The following OPRM1 variants were observed in gnomAD, a reference collection of about 807,000 sequenced individuals.
The protein encoded by OPRM1 is opioid receptor mu 1, also known as mu-type opioid receptor.
Under a neutral mutation model 31.8 loss-of-function variants are expected in OPRM1, and 27 were observed. The ratio of observed to expected loss-of-function variants is 0.85; its 90% confidence interval spans 0.63 to 1.17. The LOEUF is 1.17. Ranked by LOEUF, OPRM1 falls within the 50% of genes most tolerant of loss-of-function variation. The pLI is 0.00. For missense variants in OPRM1, 536 were observed against 511.1 expected (o/e 1.05, Z -0.47); for synonymous variants, 196 against 189.9 (o/e 1.03, Z -0.26).
rs1583620690 is a variant in OPRM1, at chr6:154,119,517, C to T, written c.*796C>T. On this transcript the variant is annotated 3_prime_UTR_variant, in exon 4 of 4. Coordinates refer to ENST00000330432, the MANE Select transcript of OPRM1 (RefSeq NM_000914.5). ...TTAAGTGTTCACAAAAGGTAATAGT[C>T]AATGAGCTCATCACTTCATCCATGC... 1 of 794,326 alleles carries T rather than the reference C, an allele frequency of 1.3e-6. No individual in the cohort carries two copies. The highest frequency in any genetic ancestry group is 1.5e-6 in the Non-Finnish European group (1 of 655,978). 49.2% of individuals were successfully genotyped at this position (794,326 alleles called of 1,614,324 possible). A position where few individuals can be genotyped will look rare whatever the true frequency, so the allele number is the denominator to read the frequency against.
chr6:154,246,541 C>A (rs776960012), intron 3 of OPRM1: 5 of 1,558,342 alleles, frequency 3.2e-6, no homozygotes, highest in African/African-American at 1.4e-5. Flanking sequence ...ATGCCTTTAA[C>A]GTATCCCTCA....
chr6:154,129,975 T>C lies in OPRM1; in HGVS notation c.*11254T>C, dbSNP rs1483059287. ...ACTAAAATACAATTTACCAAAGGCT[T>C]ACCTCCTTATTTGAAACTCCAGCAT... On this transcript the variant is annotated 3_prime_UTR_variant, in exon 4 of 4. Coordinates refer to ENST00000330432, the MANE Select transcript of OPRM1 (RefSeq NM_000914.5). Among the ~76,000 whole-genome samples, 6 of 152,046 alleles carry C rather than the reference T, an allele frequency of 3.9e-5. No individual in the cohort carries two copies. The highest frequency in any genetic ancestry group is 3.3e-4 in the Admixed American group (5 of 15,264).
intron 3 of OPRM1, among the ~76,000 whole-genome samples, chr6:154,238,022 T>C (rs978463171): frequency 1.3e-5 from 2 of 152,204 alleles, no homozygotes; most frequent in Non-Finnish European, 2.9e-5. Flanking sequence ...ATTCTATGCA[T>C]TGGCAAATCA....
In OPRM1 at chr6:154,118,721, A is replaced by G; in HGVS notation, c.1203A>G (p.Ter401=). ...AAGCAGAAACTGCTCCGTTGCCCTA[A>G]CAGGGTCTCATGCCATTCCGACCTT... is the stretch of plus-strand genomic sequence containing the variant. ...NLEAETAPLP[*] is the part of the protein sequence containing the mutation. The change falls in exon 4 of 4, where the codon TAA becomes TAG. Residue 401 remains the stop codon, a stop_retained_variant. Coordinates refer to ENST00000330432, the MANE Select transcript of OPRM1 (RefSeq NM_000914.5). The G allele has an allele frequency of 6.2e-7, 1 of 1,613,278 alleles. No individual in the cohort carries two copies. The highest frequency in any genetic ancestry group is 8.5e-7 in the Non-Finnish European group (1 of 1,179,540).
In OPRM1 at chr6:154,175,743, A is replaced by G. The variant is rs376527264; in HGVS notation, c.1165-70950A>G. On this transcript the variant is annotated intron_variant, in intron 3 of 3. Coordinates refer to the OPRM1 transcript ENST00000337049. ...TTCGCAGCCGAATTCTACCAGAGGT[A>G]CAAAGAGGAGCTGGTACCATTCCTT... Among the ~76,000 whole-genome samples, 25 of 152,330 alleles carry G rather than the reference A, an allele frequency of 1.6e-4. No homozygotes were observed. In the East Asian group the frequency reaches 4.8e-3, roughly 29 times the overall value.
Position 154,091,422 on chromosome 6 carries a change from A to G in OPRM1, c.1114A>G (p.Thr372Ala), listed in dbSNP as rs1364787718. 9.3e-6 allele frequency: 15 copies of G among 1,613,954 alleles called. No homozygotes were observed. The highest frequency in any genetic ancestry group is 1.2e-5 in the Non-Finnish European group (14 of 1,180,026). The change falls in exon 3 of 4, where the codon ACT (threonine) becomes GCT (alanine). Residue 372 changes from threonine to alanine, a missense_variant. Transcript: ENST00000330432. Reference sequence around the variant, plus strand: ...AAACTCCACTCGAATTCGTCAGAACACTAGAGACCACCCCTCCACGGCCAA... The same window carrying G: ...AAACTCCACTCGAATTCGTCAGAACGCTAGAGACCACCCCTCCACGGCCAA... The part of the protein sequence containing the change: ...QQNSTRIRQN[T>A]RDHPSTANTV...
chr6:154,020,120 A>T (rs1778277163), intron 1 of OPRM1, among the ~76,000 whole-genome samples: 1 of 152,068 alleles, frequency 6.6e-6, no homozygotes, highest in Admixed American at 6.5e-5. Context: ...GAGACAATTT[A>T]GTTGCTTCCA....
At chr6:154,173,632 A>G (rs1800055699) in intron 3 of OPRM1, among the ~76,000 whole-genome samples, 1 of 152,348 alleles carries the variant, frequency 6.6e-6, no homozygotes, top group African/African-American at 2.4e-5. Flanking sequence ...AAAAAGAATG[A>G]AAAGAAACGA....
intron 1 of OPRM1, chr6:154,086,527 A>G (rs1790619418): frequency 1.0e-6 from 1 of 971,434 alleles, no homozygotes; most frequent in Admixed American, 6.2e-5. Flanking sequence ...CTAATTAACT[A>G]TGCATAACCA....
intron 3 of OPRM1, among the ~76,000 whole-genome samples, chr6:154,146,575 G>A (rs536310522): frequency 2.3e-4 from 35 of 152,154 alleles, no homozygotes; most frequent in African/African-American, 7.7e-4. Flanking sequence ...GTGATTGCTG[G>A]TGAATGATTC....
chr6:154,051,475 G>C (rs1782182815), intron 1 of OPRM1, among the ~76,000 whole-genome samples: 1 of 152,164 alleles, frequency 6.6e-6, no homozygotes, highest in African/African-American at 2.4e-5. Context: ...ACTATAGTTA[G>C]ATGCATATAA....
At chr6:154,177,197 C>T (rs1392141213) in intron 3 of OPRM1, among the ~76,000 whole-genome samples, 1 of 152,132 alleles carries the variant, frequency 6.6e-6, no homozygotes, top group African/African-American at 2.4e-5. Context: ...AGAAGAAAAC[C>T]TAGGCAATAC....
intron 3 of OPRM1, among the ~76,000 whole-genome samples, chr6:154,224,127 C>T (rs1006674125): frequency 6.6e-6 from 1 of 152,146 alleles, no homozygotes; most frequent in Non-Finnish European, 1.5e-5. Context: ...ATAGAATCTA[C>T]AAGATTAAAC....
intron 1 of OPRM1, among the ~76,000 whole-genome samples, chr6:154,013,055 T>C (rs1407163255): frequency 6.6e-6 from 1 of 152,150 alleles, no homozygotes; most frequent in Non-Finnish European, 1.5e-5. Context: ...ACAAATAGCA[T>C]ATGAATGAAT....
At chr6:154,213,094 C>T (rs1306766895) in intron 3 of OPRM1, 7 of 479,174 alleles carry the variant, frequency 1.5e-5, no homozygotes, top group African/African-American at 7.7e-5. Flanking sequence ...GAAGACAAAT[C>T]GTAGCTTGGG....
chr6:154,066,862 G>C (rs1785522066), intron 1 of OPRM1, among the ~76,000 whole-genome samples: 2 of 152,168 alleles, frequency 1.3e-5, no homozygotes, highest in East Asian at 3.9e-4. Context: ...CTCAATGTAT[G>C]GTATTTTATT....
chr6:154,120,189 T>C lies in OPRM1; in HGVS notation c.*1468T>C, dbSNP rs567958999. Among the ~76,000 whole-genome samples, 5 of 152,292 alleles carry C rather than the reference T, an allele frequency of 3.3e-5. No individual in the cohort carries two copies. Among genetic ancestry groups the C allele is most frequent in the Admixed American group, 2.0e-4 (3 of 15,280 alleles). ...CTTCTGAGTATTCCTGAGCCTACAA[T>C]TGTAAAATTGTAGACTCCATTGTAA... On this transcript the variant is annotated 3_prime_UTR_variant, in exon 4 of 4. Coordinates refer to ENST00000330432, the MANE Select transcript of OPRM1 (RefSeq NM_000914.5).
chr6:154,217,570 G>C (rs915512545), intron 3 of OPRM1: 1 of 152,176 alleles, frequency 6.6e-6, no homozygotes, highest in Non-Finnish European at 1.5e-5. Context: ...GAGGGTAGTT[G>C]AATTAGAAAG....
upstream of OPRM1, among the ~76,000 whole-genome samples, chr6:154,037,590 T>A (rs1779388093): frequency 6.6e-6 from 1 of 152,090 alleles, no homozygotes; most frequent in Non-Finnish European, 1.5e-5. Flanking sequence ...AACTGAATGA[T>A]GCTAATGTTT....
Sources: allele counts gnomAD v4.1 joint callset (sites outside exome capture counted in the v4.1 genomes callset), GRCh38; gene constraint gnomAD v4.1.1; transcripts MANE v1.5; gene names NCBI Gene and HGNC (gene_info 2026-07-23, HGNC 2026-07-21).